PIK3C2G: variants seen among roughly 807,000 people sequenced by gnomAD.
The protein encoded by PIK3C2G is phosphatidylinositol-4-phosphate 3-kinase catalytic subunit type 2 gamma.
A neutral mutation model predicts 181.1 loss-of-function variants in PIK3C2G; 168 were observed. The observed-to-expected ratio is 0.93, with a 90% CI of 0.82 to 1.05. PIK3C2G has a LOEUF of 1.05. Ranked by LOEUF, PIK3C2G falls within the 50% of genes least tolerant of loss-of-function variation. The probability of loss-of-function intolerance (pLI) is 0.00; values close to 1 mark genes in which losing one functional copy is unlikely to be tolerated. For missense variants in PIK3C2G, 1,869 were observed against 1,732.8 expected, an observed-to-expected ratio of 1.08 and a Z score of -1.40; for synonymous variants, 573 against 592.2, an observed-to-expected ratio of 0.97 and a Z score of 0.47.
chr12:18,701,616 TCC>T, the PIK3C2G span: 3 of 238,320 alleles, frequency 1.3e-5, no homozygotes, highest in Non-Finnish European at 1.5e-5. Flanking sequence ...ATCCTCCTCC[TCC>T]TCCTCCTCCT....
At chr12:18,483,628 A>C (rs1367055637) in intron 18 of PIK3C2G, among the ~76,000 whole-genome samples, 1 of 152,028 alleles carries the variant, frequency 6.6e-6, no homozygotes, top group Non-Finnish European at 1.5e-5. Context: ...GCTCCAGATG[A>C]CTTTTGTTTA....
At chr12:18,568,453 ATTTG>A (rs1183335568) in intron 29 of PIK3C2G, among the ~76,000 whole-genome samples, 1 of 151,636 alleles carries the variant, frequency 6.6e-6, no homozygotes, top group East Asian at 1.9e-4. Flanking sequence ...AAAAGAAGAA[ATTTG>A]TTTAATTGGC....
chr12:18,244,978 CT>C (rs1948024398), upstream of PIK3C2G, among the ~76,000 whole-genome samples: 1 of 152,050 alleles, frequency 6.6e-6, no homozygotes, highest in African/African-American at 2.4e-5. Flanking sequence ...TCTCTGTTCC[CT>C]CTTAGTCTCA....
chr12:18,598,034 G>A (rs1239183009), intron 30 of PIK3C2G, among the ~76,000 whole-genome samples: 1 of 152,014 alleles, frequency 6.6e-6, no homozygotes, highest in South Asian at 2.1e-4. Flanking sequence ...CCATGCTCAT[G>A]GGTAGGAAGA....
At chr12:18,302,275 C>A (rs1451844879) in intron 5 of PIK3C2G, among the ~76,000 whole-genome samples, 1 of 152,082 alleles carries the variant, frequency 6.6e-6, no homozygotes, top group Non-Finnish European at 1.5e-5. Flanking sequence ...CGCCTACAAT[C>A]AATGATGAAA....
At chr12:18,604,144 G>T (rs1310707496) in intron 30 of PIK3C2G, among the ~76,000 whole-genome samples, 1 of 152,124 alleles carries the variant, frequency 6.6e-6, no homozygotes, top group Non-Finnish European at 1.5e-5. Flanking sequence ...CTGCCTTCAG[G>T]AGACTCACCT....
chr12:18,558,437 ATAT>A (rs1283437529), intron 26 of PIK3C2G, among the ~76,000 whole-genome samples: 1 of 152,216 alleles, frequency 6.6e-6, no homozygotes, highest in Non-Finnish European at 1.5e-5. Context: ...CCTGTAAAAT[ATAT>A]TATTAAGTTA....
chr12:18,535,014 C>A (rs1943774328), intron 24 of PIK3C2G, among the ~76,000 whole-genome samples: 1 of 151,878 alleles, frequency 6.6e-6, no homozygotes, highest in Admixed American at 6.6e-5. Flanking sequence ...CAGTATAGAC[C>A]ATGAGAGATC....
At chr12:18,508,518 C>T (rs954514434) in intron 24 of PIK3C2G, among the ~76,000 whole-genome samples, 4 of 151,970 alleles carry the variant, frequency 2.6e-5, no homozygotes, top group African/African-American at 9.7e-5. Context: ...CTTTGTATTC[C>T]CCTAGGATAA....
the PIK3C2G span, chr12:18,719,438 A>G: frequency 6.7e-7 from 1 of 1,484,220 alleles, no homozygotes; most frequent in Admixed American, 2.2e-5. Context: ...TACCTTACAT[A>G]TCCCCAAAGG....
chr12:18,303,276 C>T (rs1211656589), intron 5 of PIK3C2G, among the ~76,000 whole-genome samples: 10 of 146,836 alleles, frequency 6.8e-5, no homozygotes, highest in African/African-American at 2.5e-4. Flanking sequence ...CCCTCCCTCC[C>T]TCTCTCCTTT....
chr12:18,556,790 ATCTTTAGAAATGG>A (rs1388849322), intron 26 of PIK3C2G, among the ~76,000 whole-genome samples: 4 of 152,170 alleles, frequency 2.6e-5, no homozygotes, highest in African/African-American at 9.6e-5. Flanking sequence ...TGCAAACAAC[ATCTTTAGAAATGG>A]TGAACACTGG....
chr12:18,352,805 C>T (rs1208727384), intron 11 of PIK3C2G, among the ~76,000 whole-genome samples: 1 of 152,076 alleles, frequency 6.6e-6, no homozygotes, highest in Non-Finnish European at 1.5e-5. Context: ...CTTTGAGATC[C>T]CGCTGTCAAG....
chr12:18,579,154 T>C (rs995570596), intron 29 of PIK3C2G, among the ~76,000 whole-genome samples: 1 of 152,128 alleles, frequency 6.6e-6, no homozygotes, highest in Non-Finnish European at 1.5e-5. Flanking sequence ...TTAAGTTGGT[T>C]GCAGACAAGA....
At chr12:18,562,649 A>G in intron 26 of PIK3C2G, 54 bp from the exon 27 acceptor site, 1 of 1,041,260 alleles carries the variant, frequency 9.6e-7, no homozygotes, top group Non-Finnish European at 1.4e-6. Context: ...CATAAATGAA[A>G]TGAGTAGATG....
At chr12:18,300,191 T>G (rs1950115802) in intron 5 of PIK3C2G, among the ~76,000 whole-genome samples, 1 of 152,012 alleles carries the variant, frequency 6.6e-6, no homozygotes. Context: ...GACTTTTTAT[T>G]ACTGATTCAG....
At chr12:18,275,608 C>T (rs901719897) in intron 1 of PIK3C2G, among the ~76,000 whole-genome samples, 7 of 152,164 alleles carry the variant, frequency 4.6e-5, no homozygotes, top group Non-Finnish European at 7.3e-5. Flanking sequence ...GCCTCAAACT[C>T]CTGAGCTCGT....
chr12:18,528,480 C>A (rs1943366084), intron 24 of PIK3C2G, among the ~76,000 whole-genome samples: 1 of 152,016 alleles, frequency 6.6e-6, no homozygotes, highest in East Asian at 1.9e-4. Flanking sequence ...TTACTAAGTC[C>A]CACTAAGTTT....
chr12:18,306,539 T>C (rs942667919), intron 5 of PIK3C2G, among the ~76,000 whole-genome samples: 3 of 151,992 alleles, frequency 2.0e-5, no homozygotes, highest in Non-Finnish European at 4.4e-5. Context: ...GAGCACAAAA[T>C]CCAGGGCTAT....
Sources: allele counts gnomAD v4.1 joint callset (sites outside exome capture counted in the v4.1 genomes callset), GRCh38; gene constraint gnomAD v4.1.1; transcripts MANE v1.5; gene names NCBI Gene and HGNC (gene_info 2026-07-23, HGNC 2026-07-21).